The following ADAM32 variants were observed in gnomAD, a reference collection of about 807,000 sequenced individuals.
The protein encoded by ADAM32 is disintegrin and metalloproteinase domain-containing protein 32.
In ADAM32, 89 loss-of-function variants were observed where a neutral mutation model predicts 114.9. The ratio of observed to expected loss-of-function variants is 0.77; its 90% CI spans 0.65 to 0.92. The LOEUF (loss-of-function observed/expected upper bound fraction) is 0.92, where lower values mean the gene tolerates loss of function less well. Among genes scored for constraint, ADAM32 ranks in the 40% least tolerant of loss-of-function variants. The probability of loss-of-function intolerance (pLI) is 0.00; values close to 1 mark genes in which losing one functional copy is unlikely to be tolerated. For synonymous variants in ADAM32, 285 were observed against 307.5 expected (o/e 0.93, Z 0.77); for missense variants, 870 against 932.8 (o/e 0.93, Z 0.88).
At position 39,189,342 on chromosome 8, in the gene ADAM32, C is replaced by T. The variant is rs547379351; in HGVS notation, c.1052+2297C>T. Among the ~76,000 whole-genome samples, 21 of 152,246 alleles carry T rather than the reference C, an allele frequency of 1.4e-4. No individual in the cohort carries two copies. In the East Asian group the frequency reaches 3.7e-3, roughly 27 times the overall value. ...TCATGTAGAAGACTTAATATATTGG[C>T]ATTCGCTTAAACTAAGTAGCAAGAG... On this transcript the variant is annotated intron_variant, in intron 11 of 24. Transcript: ENST00000379907.
intron 19 of ADAM32, among the ~76,000 whole-genome samples, chr8:39,263,574 G>T (rs1408159963): frequency 6.6e-6 from 1 of 151,918 alleles, no homozygotes; most frequent in Non-Finnish European, 1.5e-5. Context: ...TTAAAAACTG[G>T]GATATAATTT....
At chr8:39,277,382 C>A (rs772422898) in intron 22 of ADAM32, among the ~76,000 whole-genome samples, 14 of 152,332 alleles carry the variant, frequency 9.2e-5, no homozygotes, top group Non-Finnish European at 1.9e-4. Flanking sequence ...GGTGGCTGTG[C>A]TTTAGTGATA....
At chr8:39,226,603 G>C (rs1481401374) in intron 14 of ADAM32, among the ~76,000 whole-genome samples, 1 of 151,930 alleles carries the variant, frequency 6.6e-6, no homozygotes, top group Non-Finnish European at 1.5e-5. Flanking sequence ...CTTTGTCAGT[G>C]AGGAGAGTGG....
intron 2 of ADAM32, among the ~76,000 whole-genome samples, chr8:39,121,600 A>G (rs1840594505): frequency 6.6e-6 from 1 of 152,174 alleles, no homozygotes; most frequent in African/African-American, 2.4e-5. Flanking sequence ...GAAGTATAAT[A>G]AAAAAAGAAA....
intron 14 of ADAM32, among the ~76,000 whole-genome samples, chr8:39,225,590 C>A (rs1809307764): frequency 6.6e-6 from 1 of 152,202 alleles, no homozygotes; most frequent in African/African-American, 2.4e-5. Context: ...GCCCCAGGAT[C>A]TTTCACCATT....
intron 3 of ADAM32, 100 bp downstream of exon 3, chr8:39,136,818 AC>A: frequency 1.2e-6 from 1 of 841,326 alleles, no homozygotes; most frequent in South Asian, 2.1e-5. Flanking sequence ...GGAATTATTA[AC>A]TTTTTTAATT....
intron 11 of ADAM32, 36 bp downstream of exon 11, chr8:39,187,081 T>C (rs749644108): frequency 3.7e-5 from 58 of 1,547,604 alleles, no homozygotes; most frequent in Non-Finnish European, 4.9e-5. Context: ...CTTATGTTTA[T>C]TTCATTTTAA....
intron 11 of ADAM32, among the ~76,000 whole-genome samples, chr8:39,200,578 C>G (rs1329428809): frequency 2.0e-5 from 3 of 152,060 alleles, no homozygotes; most frequent in Admixed American, 6.6e-5. Context: ...TAGGTTGCCT[C>G]TTCACTCTGA....
chr8:39,141,849 A>T (rs1331169368), intron 3 of ADAM32, among the ~76,000 whole-genome samples: 18 of 151,922 alleles, frequency 1.2e-4, no homozygotes, highest in Non-Finnish European at 4.4e-5. Context: ...GTCTCTAAGG[A>T]CTTGCTTTAT....
chr8:39,146,625 G>T (rs1286386703), intron 3 of ADAM32, among the ~76,000 whole-genome samples: 1 of 152,164 alleles, frequency 6.6e-6, no homozygotes. Flanking sequence ...TGGCCAGGCT[G>T]GTCTCAAACT....
intron 11 of ADAM32, among the ~76,000 whole-genome samples, chr8:39,201,425 G>C (rs1239065623): frequency 6.6e-6 from 1 of 151,340 alleles, no homozygotes; most frequent in Non-Finnish European, 1.5e-5. Context: ...TTGGCTCTCT[G>C]TTTGTCTATC....
At chr8:39,203,989 G>C (rs987198494) in intron 11 of ADAM32, among the ~76,000 whole-genome samples, 26 of 152,300 alleles carry the variant, frequency 1.7e-4, no homozygotes, top group African/African-American at 5.5e-4. Flanking sequence ...TAGAGTTTCT[G>C]CTGAGAGATC....
intron 18 of ADAM32, 40 bp from the exon 19 acceptor site, chr8:39,257,147 T>G: frequency 6.7e-7 from 1 of 1,491,734 alleles, no homozygotes; most frequent in African/African-American, 1.4e-5. Context: ...GTAGATAGTT[T>G]AATTTTTTTG....
chr8:39,152,483 A>G (rs1803890062), intron 6 of ADAM32, among the ~76,000 whole-genome samples: 1 of 152,156 alleles, frequency 6.6e-6, no homozygotes, highest in Admixed American at 6.5e-5. Context: ...GCACTTTGGG[A>G]GCCCAAGTTG....
intron 20 of ADAM32, 139 bp from the exon 21 acceptor site, chr8:39,274,173 C>T (rs892180517): frequency 3.7e-6 from 3 of 802,074 alleles, no homozygotes; most frequent in Non-Finnish European, 6.2e-6. Flanking sequence ...TGTTCAGTGA[C>T]CTTTGGACAT....
At chr8:39,210,572 T>C (rs1168470516) in intron 11 of ADAM32, among the ~76,000 whole-genome samples, 1 of 152,184 alleles carries the variant, frequency 6.6e-6, no homozygotes, top group Non-Finnish European at 1.5e-5. Context: ...AAATCAGTAA[T>C]GAAATCTGGC....
chr8:39,203,895 T>G (rs1420986503), intron 11 of ADAM32, among the ~76,000 whole-genome samples: 2 of 152,174 alleles, frequency 1.3e-5, no homozygotes, highest in Non-Finnish European at 2.9e-5. Context: ...TTATGAAGCT[T>G]AGTTTGGCTG....
chr8:39,174,198 A>G (rs1180840788), intron 10 of ADAM32, among the ~76,000 whole-genome samples: 1 of 152,170 alleles, frequency 6.6e-6, no homozygotes, highest in Admixed American at 6.5e-5. Flanking sequence ...CAGTTCTCCC[A>G]GGTCCATTTA....
At chr8:39,202,775 A>G (rs1013723776) in intron 11 of ADAM32, among the ~76,000 whole-genome samples, 4 of 152,202 alleles carry the variant, frequency 2.6e-5, no homozygotes, top group Non-Finnish European at 5.9e-5. Flanking sequence ...ATTTAGTGCT[A>G]TAAATTTCCC....
Sources: allele counts gnomAD v4.1 joint callset (sites outside exome capture counted in the v4.1 genomes callset), GRCh38; gene constraint gnomAD v4.1.1; transcripts MANE v1.5; gene names NCBI Gene and HGNC (gene_info 2026-07-23, HGNC 2026-07-21).